Variants in FHIT observed in about 807,000 individuals in gnomAD.
FHIT encodes the protein bis(5'-adenosyl)-triphosphatase.
In FHIT, 19 loss-of-function variants were observed where a neutral mutation model predicts 17.9. That is an observed-to-expected ratio of 1.06 (90% CI 0.74 to 1.56). The LOEUF (loss-of-function observed/expected upper bound fraction) is 1.56. Ranked by LOEUF, FHIT falls within the 40% of genes most tolerant of loss-of-function variation. The probability of loss-of-function intolerance (pLI) is 0.00; values close to 1 mark genes in which losing one functional copy is unlikely to be tolerated. For synonymous variants in FHIT, 81 were observed against 69.7 expected (o/e 1.16, Z -0.81); for missense variants, 248 against 189.2 (o/e 1.31, Z -1.82).
chr3:60,340,550 A>C (rs1710465170), intron 5 of FHIT, among the ~76,000 whole-genome samples: 1 of 152,216 alleles, frequency 6.6e-6, no homozygotes, highest in African/African-American at 2.4e-5. Flanking sequence ...ATATGGTTAG[A>C]AAGATTAAAT....
intron 8 of FHIT, among the ~76,000 whole-genome samples, chr3:59,840,444 T>A (rs1363408755): frequency 1.3e-5 from 2 of 150,780 alleles, no homozygotes; most frequent in Non-Finnish European, 3.0e-5. Context: ...CAATGAGGAA[T>A]CTCTTCATTT....
At chr3:60,183,067 C>T (rs1423661313) in intron 5 of FHIT, among the ~76,000 whole-genome samples, 1 of 152,114 alleles carries the variant, frequency 6.6e-6, no homozygotes, top group East Asian at 1.9e-4. Context: ...TAAAGTATCA[C>T]CTTCAATTCA....
chr3:60,738,317 T>C (rs1553713104), intron 4 of FHIT, among the ~76,000 whole-genome samples: 1 of 152,072 alleles, frequency 6.6e-6, no homozygotes, highest in Non-Finnish European at 1.5e-5. Context: ...TACAGTTCAG[T>C]GAAGAGTAAC....
intron 4 of FHIT, among the ~76,000 whole-genome samples, chr3:60,781,083 A>C (rs1406915586): frequency 6.6e-6 from 1 of 152,168 alleles, no homozygotes; most frequent in Non-Finnish European, 1.5e-5. Context: ...CAACACCTCC[A>C]ACAACTAACA....
At chr3:59,759,016 G>T (rs1286909861) in intron 8 of FHIT, among the ~76,000 whole-genome samples, 1 of 152,058 alleles carries the variant, frequency 6.6e-6, no homozygotes, top group South Asian at 2.1e-4. Flanking sequence ...GGGGATGGTA[G>T]AACTTTGGGT....
At chr3:60,254,264 G>C (rs986220226) in intron 5 of FHIT, among the ~76,000 whole-genome samples, 1 of 152,168 alleles carries the variant, frequency 6.6e-6, no homozygotes, top group Non-Finnish European at 1.5e-5. Flanking sequence ...CTGGAGTGAA[G>C]AGTTCCCAGT....
At chr3:60,053,834 C>A (rs1365228580) in intron 5 of FHIT, among the ~76,000 whole-genome samples, 1 of 152,116 alleles carries the variant, frequency 6.6e-6, no homozygotes, top group Non-Finnish European at 1.5e-5. Flanking sequence ...ATGATGTTCA[C>A]AGGATTAAAA....
At chr3:60,313,765 G>A (rs1709049123) in intron 5 of FHIT, among the ~76,000 whole-genome samples, 1 of 152,094 alleles carries the variant, frequency 6.6e-6, no homozygotes, top group South Asian at 2.1e-4. Context: ...AATCTGAGAG[G>A]ATGAGGTTAG....
At chr3:60,910,320 A>T (rs1227007741) in intron 3 of FHIT, among the ~76,000 whole-genome samples, 1 of 152,116 alleles carries the variant, frequency 6.6e-6, no homozygotes, top group Non-Finnish European at 1.5e-5. Flanking sequence ...GATGAAGACC[A>T]CATGGAGAAG....
At chr3:60,602,768 G>A (rs1553669275) in intron 4 of FHIT, among the ~76,000 whole-genome samples, 1 of 152,078 alleles carries the variant, frequency 6.6e-6, no homozygotes, top group African/African-American at 2.4e-5. Flanking sequence ...GACAGTATTA[G>A]GCAGTGGAAG....
intron 4 of FHIT, among the ~76,000 whole-genome samples, chr3:60,646,678 T>A (rs2107799916): frequency 6.6e-6 from 1 of 152,202 alleles, no homozygotes; most frequent in South Asian, 2.1e-4. Context: ...GAGAAAAAAT[T>A]TTTTGAAAGA....
At chr3:60,733,287 A>T (rs1255328205) in intron 4 of FHIT, among the ~76,000 whole-genome samples, 1 of 152,190 alleles carries the variant, frequency 6.6e-6, no homozygotes. Context: ...TTCAGTTATT[A>T]CAGAAAAGTA....
At chr3:60,516,166 A>C (rs2035146432) in intron 5 of FHIT, among the ~76,000 whole-genome samples, 1 of 152,232 alleles carries the variant, frequency 6.6e-6, no homozygotes, top group Non-Finnish European at 1.5e-5. Context: ...GCTTGAATTT[A>C]TGTGACTATA....
intron 1 of FHIT, among the ~76,000 whole-genome samples, chr3:61,230,262 T>A (rs1253558677): frequency 1.3e-5 from 2 of 152,178 alleles, no homozygotes; most frequent in Non-Finnish European, 2.9e-5. Context: ...GGATTTTTCA[T>A]GAATGGTTTA....
At chr3:60,503,643 T>C (rs1439748404) in intron 5 of FHIT, among the ~76,000 whole-genome samples, 2 of 152,150 alleles carry the variant, frequency 1.3e-5, no homozygotes, top group Admixed American at 6.5e-5. Flanking sequence ...ATCATATTGA[T>C]GAAATATTAT....
At chr3:60,603,794 C>T (rs2038520225) in intron 4 of FHIT, among the ~76,000 whole-genome samples, 1 of 151,996 alleles carries the variant, frequency 6.6e-6, no homozygotes. Context: ...TAGAATGTAT[C>T]CAAGGCAATA....
chr3:60,378,521 T>G (rs1258812564), intron 5 of FHIT, among the ~76,000 whole-genome samples: 1 of 152,168 alleles, frequency 6.6e-6, no homozygotes, highest in Non-Finnish European at 1.5e-5. Flanking sequence ...ATTTGGAGGT[T>G]GAAATACCAA....
intron 5 of FHIT, among the ~76,000 whole-genome samples, chr3:60,030,694 T>A (rs1210097963): frequency 4.6e-5 from 7 of 152,294 alleles, no homozygotes; most frequent in African/African-American, 1.7e-4. Context: ...GAGCACTTGC[T>A]AAACACTGAA....
At chr3:60,326,724 C>T (rs1222317640) in intron 5 of FHIT, among the ~76,000 whole-genome samples, 1 of 152,266 alleles carries the variant, frequency 6.6e-6, no homozygotes, top group Non-Finnish European at 1.5e-5. Flanking sequence ...TATTTTCTGC[C>T]TGAGTCCAGA....
Sources: gnomAD v4.1 joint callset for allele counts (sites outside exome capture counted in the v4.1 genomes callset) on GRCh38, gnomAD v4.1.1 for gene constraint, MANE v1.5 for transcripts, NCBI Gene and HGNC (gene_info 2026-07-23, HGNC 2026-07-21) for gene names.